Variants in SPEF2 observed in about 807,000 individuals in gnomAD.
The protein encoded by SPEF2 is sperm flagella and cilia-associated protein 2.
In SPEF2, 187 loss-of-function variants were observed where a neutral mutation model predicts 224.6. The ratio of observed to expected loss-of-function variants is 0.83; its 90% CI spans 0.74 to 0.94. The LOEUF (loss-of-function observed/expected upper bound fraction) is 0.94, where lower values mean the gene tolerates loss of function less well. SPEF2 is among the 40% of genes least tolerant of loss of function. The pLI is 0.00. For missense variants in SPEF2, 2,170 were observed against 2,135.6 expected (o/e 1.02, Z -0.32); for synonymous variants, 715 against 707.3 (o/e 1.01, Z -0.17).
At chr5:35,711,687 A>C (rs1158212317) in intron 19 of SPEF2, among the ~76,000 whole-genome samples, 1 of 148,458 alleles carries the variant, frequency 6.7e-6, no homozygotes, top group Non-Finnish European at 1.5e-5. Flanking sequence ...TGGATTTTTA[A>C]ATATCCATTT....
intron 34 of SPEF2, among the ~76,000 whole-genome samples, chr5:35,804,920 A>T (rs538967439): frequency 6.6e-6 from 1 of 152,286 alleles, no homozygotes; most frequent in East Asian, 1.9e-4. Flanking sequence ...CTACACTCTG[A>T]ATAGAAATTT....
chr5:35,761,459 C>A (rs1247067558), intron 25 of SPEF2, among the ~76,000 whole-genome samples: 1 of 152,152 alleles, frequency 6.6e-6, no homozygotes, highest in Non-Finnish European at 1.5e-5. Context: ...CTTTTACCCT[C>A]CCTTGTTCCA....
intron 3 of SPEF2, among the ~76,000 whole-genome samples, chr5:35,642,499 ATTAT>A (rs1043694833): frequency 3.3e-5 from 5 of 152,166 alleles, no homozygotes; most frequent in African/African-American, 1.2e-4. Context: ...CTAACTAGTC[ATTAT>A]TTATTTGTCA....
intron 13 of SPEF2, among the ~76,000 whole-genome samples, 161 bp downstream of exon 13, chr5:35,694,524 A>T (rs572936757): frequency 2.0e-5 from 3 of 152,294 alleles, no homozygotes; most frequent in South Asian, 4.1e-4. Context: ...GAGCAAGATC[A>T]CTCTTGCCTA....
intron 34 of SPEF2, among the ~76,000 whole-genome samples, chr5:35,805,571 G>A (rs1757952624): frequency 6.6e-6 from 1 of 152,124 alleles, no homozygotes; most frequent in Admixed American, 6.6e-5. Context: ...AGCCAAAAAT[G>A]CCAAAATGCT....
At chr5:35,730,557 T>C (rs1745478280) in intron 21 of SPEF2, among the ~76,000 whole-genome samples, 1 of 152,236 alleles carries the variant, frequency 6.6e-6, no homozygotes, top group African/African-American at 2.4e-5. Context: ...GATTAAAGCA[T>C]AGCTTTTGAT....
intron 26 of SPEF2, 56 bp from the exon 27 acceptor site, chr5:35,771,553 G>A: frequency 6.4e-7 from 1 of 1,569,256 alleles, no homozygotes; most frequent in Non-Finnish European, 8.6e-7. Context: ...ACATCCAAAT[G>A]GTTGCCATAT....
intron 2 of SPEF2, among the ~76,000 whole-genome samples, chr5:35,638,361 G>T (rs1031223552): frequency 2.0e-5 from 3 of 151,908 alleles, no homozygotes; most frequent in Non-Finnish European, 4.4e-5. Flanking sequence ...GTGCTTCTCG[G>T]TGTGACCCTC....
intron 19 of SPEF2, 34 bp from the exon 20 acceptor site, chr5:35,712,778 C>A: frequency 6.2e-7 from 1 of 1,602,552 alleles, no homozygotes; most frequent in Non-Finnish European, 8.5e-7. Flanking sequence ...TGAAGTAAAT[C>A]ATCAATGATT....
At position 35,740,181 on chromosome 5, in the gene SPEF2, G is replaced by C. The variant is rs761971461; in HGVS notation, c.3244G>C (p.Ala1082Pro). 6.2e-7 allele frequency: 1 copy of C among 1,614,070 alleles called. No homozygotes were observed. Among genetic ancestry groups the C allele is most frequent in the Non-Finnish European group, 8.5e-7 (1 of 1,180,002 alleles). The change falls in exon 23 of 37, where the codon GCT becomes CCT. Residue 1082 changes from alanine to proline, a missense_variant. Coordinates refer to ENST00000356031, the MANE Select transcript of SPEF2 (RefSeq NM_024867.4). ...TCCGGATCACAAGCAAGATTTTGTA[G>C]CTCAATGGCAGGCTGATTTCAACTC... ...KRPDHKQDFVAQWQADFNSLP... is the reference protein window; with the variant it reads ...KRPDHKQDFVPQWQADFNSLP...
Position 35,710,180 on chromosome 5 carries a change from C to T in SPEF2, c.2839+1059C>T, listed in dbSNP as rs576812076. 11 of 984,306 alleles carry T rather than the reference C, an allele frequency of 1.1e-5. No individual in the cohort carries two copies. In the South Asian group the frequency reaches 2.8e-4, roughly 25 times the overall value. 61.0% of individuals were successfully genotyped at this position (984,306 alleles called of 1,614,324 possible). On this transcript the variant is annotated intron_variant, in intron 19 of 36. Coordinates refer to ENST00000356031, the MANE Select transcript of SPEF2 (RefSeq NM_024867.4). ...ACAAAGACATGAATTAAACATACAC[C>T]CTTTTCCCGCTGTCTCATTAGGAAA...
chr5:35,773,740 T>A (rs1753209971), intron 27 of SPEF2, among the ~76,000 whole-genome samples, 153 bp from the exon 28 acceptor site: 1 of 152,234 alleles, frequency 6.6e-6, no homozygotes, highest in Non-Finnish European at 1.5e-5. Flanking sequence ...CAATATTTCA[T>A]CACAGATGCT....
chr5:35,719,120 C>T (rs969370326), intron 20 of SPEF2, among the ~76,000 whole-genome samples: 1 of 152,158 alleles, frequency 6.6e-6, no homozygotes, highest in Non-Finnish European at 1.5e-5. Context: ...AGAGGATTTG[C>T]AGGATAATTG....
chr5:35,779,337 G>A lies in SPEF2; in HGVS notation c.4438G>A (p.Ala1480Thr), dbSNP rs756993685. 4.4e-6 allele frequency: 7 copies of A among 1,597,316 alleles called. No homozygotes were observed. Among genetic ancestry groups the A allele is most frequent in the African/African-American group, 4.1e-5 (3 of 73,914 alleles). Residue 1480 changes from alanine to threonine, a missense_variant, in exon 30 of 37, where the codon GCA becomes ACA. Coordinates refer to ENST00000356031, the MANE Select transcript of SPEF2 (RefSeq NM_024867.4). ...DSLRDQFLDMAPKGIIGNKAF... is the reference protein window; with the variant it reads ...DSLRDQFLDMTPKGIIGNKAF... ...TCTTCGAGATCAGTTCTTAGATATG[G>A]CACCTAAAGGTAGGAAAAATAATTA...
rs1450858883 is a variant in SPEF2, at chr5:35,700,546, T to C, written c.2192T>C (p.Leu731Ser). The C allele has an allele frequency of 6.2e-7, 1 of 1,613,596 alleles. No homozygotes were observed. Among genetic ancestry groups the C allele is most frequent in the African/African-American group, 1.3e-5 (1 of 74,894 alleles). Residue 731 changes from leucine to serine, a missense_variant, in exon 16 of 37, where the codon TTA becomes TCA. By Grantham distance (145) the Leu-to-Ser change is moderately radical. Coordinates refer to ENST00000356031, the MANE Select transcript of SPEF2 (RefSeq NM_024867.4). Reference protein sequence around the residue: ...DCILDGFPMTLNQAQLLEEAL... With the variant: ...DCILDGFPMTSNQAQLLEEAL... ...ATCCTAGATGGTTTTCCAATGACTT[T>C]AAACCAAGCACAGCTTCTGGAAGAA...
intron 7 of SPEF2, among the ~76,000 whole-genome samples, chr5:35,658,634 T>C (rs909209388): frequency 1.3e-5 from 2 of 152,174 alleles, no homozygotes; most frequent in East Asian, 1.9e-4. Context: ...GCAGGTTTGT[T>C]ATATAGGTAA....
chr5:35,808,743 C>T (rs900080068), intron 36 of SPEF2, among the ~76,000 whole-genome samples: 4 of 147,274 alleles, frequency 2.7e-5, no homozygotes, highest in Non-Finnish European at 4.5e-5. Flanking sequence ...TATATATACA[C>T]ACATATATAT....
chr5:35,777,324 G>C (rs6451218), intron 29 of SPEF2, among the ~76,000 whole-genome samples: 71,024 of 151,924 alleles, frequency 0.47, 19,463 homozygotes, highest in African/African-American at 0.77. Context: ...AACAAACAAA[G>C]AAACATTAAA....
intron 25 of SPEF2, 32 bp from the exon 26 acceptor site, chr5:35,763,490 T>G: frequency 6.6e-7 from 1 of 1,509,472 alleles, no homozygotes; most frequent in South Asian, 1.4e-5. Flanking sequence ...AAGCAAAATT[T>G]TTTATCCTTT....
Sources: allele counts gnomAD v4.1 joint callset (sites outside exome capture counted in the v4.1 genomes callset), GRCh38; gene constraint gnomAD v4.1.1; transcripts MANE v1.5; gene names NCBI Gene and HGNC (gene_info 2026-07-23, HGNC 2026-07-21).